Variants in ATP6V1E1 observed in about 807,000 individuals in gnomAD.
ATP6V1E1 encodes V-type proton ATPase subunit E 1.
ATP6V1E1 carries 21 observed loss-of-function variants against 35.2 expected under a neutral mutation model. The observed-to-expected ratio is 0.60, with a 90% confidence interval of 0.42 to 0.86. The LOEUF is 0.86. ATP6V1E1 is among the 40% of genes least tolerant of loss of function. The pLI is 0.00. For missense variants in ATP6V1E1, 183 were observed against 272.6 expected, an observed-to-expected ratio of 0.67 and a Z score of 2.32; for synonymous variants, 83 against 87.8, an observed-to-expected ratio of 0.95 and a Z score of 0.30.
At chr22:17,597,967 G>GC (rs1555956650) in intron 7 of ATP6V1E1, 6 of 500,178 alleles carry the variant, frequency 1.2e-5, no homozygotes, top group Non-Finnish European at 1.8e-5. Context: ...GTGAGCCACC[G>GC]CACCTGGCCA....
chr22:17,616,176 T>C (rs28836782), intron 2 of ATP6V1E1, among the ~76,000 whole-genome samples: 19,395 of 149,928 alleles, frequency 0.13, 1,309 homozygotes, highest in Middle Eastern at 0.22. Context: ...TGAAACCCCA[T>C]CGCTATTAAA....
chr22:17,607,978 C>T (rs751241005), intron 4 of ATP6V1E1, among the ~76,000 whole-genome samples: 21 of 152,186 alleles, frequency 1.4e-4, no homozygotes, highest in Admixed American at 2.0e-4. Flanking sequence ...TGCCAGACTA[C>T]CTCTGTTTCC....
intron 1 of ATP6V1E1, among the ~76,000 whole-genome samples, chr22:17,620,731 T>C (rs1313872777): frequency 2.0e-5 from 3 of 152,056 alleles, no homozygotes; most frequent in African/African-American, 7.2e-5. Flanking sequence ...TCAGTCCTTA[T>C]ATCCAAGCAA....
intron 4 of ATP6V1E1, among the ~76,000 whole-genome samples, chr22:17,608,158 G>C (rs955305068): frequency 1.3e-5 from 2 of 152,128 alleles, no homozygotes; most frequent in African/African-American, 4.8e-5. Flanking sequence ...GCACGATACA[G>C]GACACATGGG....
intron 2 of ATP6V1E1, among the ~76,000 whole-genome samples, chr22:17,613,604 TACC>T (rs1286382166): frequency 6.7e-6 from 1 of 149,020 alleles, no homozygotes; most frequent in Non-Finnish European, 1.5e-5. Flanking sequence ...TGAAAAAAAT[TACC>T]ACACGTTCGA....
intron 2 of ATP6V1E1, among the ~76,000 whole-genome samples, chr22:17,614,917 C>T (rs931672142): frequency 2.0e-5 from 3 of 148,988 alleles, no homozygotes; most frequent in Non-Finnish European, 3.0e-5. Context: ...TGCAGTGAAC[C>T]GAGATCGCGC....
intron 8 of ATP6V1E1, 144 bp downstream of exon 8, chr22:17,594,385 A>C (rs1249982772): frequency 4.7e-6 from 3 of 638,386 alleles, no homozygotes; most frequent in Non-Finnish European, 7.5e-6. Context: ...ATGCTACTAC[A>C]TGCCCAATTC....
chr22:17,625,272 C>CT lies in ATP6V1E1; in HGVS notation c.33+3330dup, dbSNP rs894530979. The stretch of plus-strand genomic sequence containing the variant: ...GGAAATGGAAACATCCAACGAAAAA[C>CT]TTTTTTTTTTGAGACCGAGTTTCAC... On this transcript the variant is annotated intron_variant, in intron 1 of 8. Coordinates refer to ENST00000253413, the MANE Select transcript of ATP6V1E1 (RefSeq NM_001696.4). Among the ~76,000 whole-genome samples the CT allele has an allele frequency of 5.3e-4, 79 of 149,708 alleles. 2 individuals are homozygous for CT. Among genetic ancestry groups the CT allele is most frequent in the African/African-American group, 1.8e-3 (75 of 40,960 alleles).
rs1402455538 is a variant in ATP6V1E1 at position 17,617,021 on chromosome 22, C to T, written c.99+2440G>A. ...CGAGATCCCGCCACTGCACTCCAGC[C>T]TGGGCGACAGAGCGAGACTCCGTCT... On this transcript the variant is annotated intron_variant, in intron 2 of 8. Coordinates refer to ENST00000253413, the MANE Select transcript of ATP6V1E1 (RefSeq NM_001696.4). Among the ~76,000 whole-genome samples, 8 of 62,976 alleles carry T rather than the reference C, an allele frequency of 1.3e-4. No homozygotes were observed. The East Asian group carries it at 1.9e-3, about 15-fold the overall frequency. The allele number at this position is 62,976 out of a possible 152,430, so 41.3% of individuals were successfully genotyped here.
intron 7 of ATP6V1E1, among the ~76,000 whole-genome samples, chr22:17,597,114 C>A (rs573886672): frequency 6.6e-6 from 1 of 151,802 alleles, no homozygotes; most frequent in Non-Finnish European, 1.5e-5. Context: ...TGGTGGCAGG[C>A]GCCTGTAGTC....
At chr22:17,594,117 G>T (rs1305141391) in intron 8 of ATP6V1E1, among the ~76,000 whole-genome samples, 1 of 152,060 alleles carries the variant, frequency 6.6e-6, no homozygotes, top group Non-Finnish European at 1.5e-5. Flanking sequence ...CAGGAGAATC[G>T]CTTGAACCTG....
At position 17,594,631 on chromosome 22, in the gene ATP6V1E1, G is replaced by C; in HGVS notation, c.531-15C>G. 6.9e-7 allele frequency: 1 copy of C among 1,455,940 alleles called. No individual in the cohort carries two copies. Among genetic ancestry groups the C allele is most frequent in the Non-Finnish European group, 9.3e-7 (1 of 1,073,124 alleles). 90.2% of individuals were successfully genotyped at this position (1,455,940 alleles called of 1,614,324 possible). A position where few individuals can be genotyped will look rare whatever the true frequency, so the allele number is the denominator to read the frequency against. On this transcript the variant is annotated splice_polypyrimidine_tract_variant and intron_variant, in intron 7 of 8. Coordinates refer to ENST00000253413, the MANE Select transcript of ATP6V1E1 (RefSeq NM_001696.4). The stretch of plus-strand genomic sequence containing the variant: ...CTCCACCAGCTCTGCAAAAAAAAAA[G>C]CACAGGAAATAATCATTTTCAAAGA...
At chr22:17,627,508 C>A (rs1481776846) in intron 1 of ATP6V1E1, among the ~76,000 whole-genome samples, 2 of 151,868 alleles carry the variant, frequency 1.3e-5, no homozygotes. Flanking sequence ...GAGGGGACTT[C>A]CCCAAAATGA....
At chr22:17,619,693 C>G (rs1388081514) in intron 1 of ATP6V1E1, among the ~76,000 whole-genome samples, 167 bp from the exon 2 acceptor site, 1 of 152,122 alleles carries the variant, frequency 6.6e-6, no homozygotes, top group Non-Finnish European at 1.5e-5. Context: ...GGAGACTAGT[C>G]TGGACAACAC....
intron 1 of ATP6V1E1, among the ~76,000 whole-genome samples, chr22:17,627,237 C>G (rs2057915282): frequency 6.6e-6 from 1 of 151,862 alleles, no homozygotes; most frequent in Non-Finnish European, 1.5e-5. Flanking sequence ...ACGCCATTCT[C>G]CTGCCTCAGC....
intron 4 of ATP6V1E1, among the ~76,000 whole-genome samples, chr22:17,609,743 A>G (rs1004566537): frequency 1.3e-5 from 2 of 152,102 alleles, no homozygotes; most frequent in Admixed American, 6.6e-5. Context: ...TGCTGGGATT[A>G]CAGGTCTGAG....
At position 17,592,520 on chromosome 22, in the gene ATP6V1E1, G is replaced by T; in HGVS notation, c.*154C>A. On this transcript the variant is annotated 3_prime_UTR_variant, in exon 9 of 9. Transcript: ENST00000253413. ...GCTTTCCACCATTGTGAACAATTAG[G>T]CAAGGCATGAGTGACAGAGGGGCAT... 2 of 771,546 alleles carry T rather than the reference G, an allele frequency of 2.6e-6. No homozygotes were observed. The highest frequency in any genetic ancestry group is 2.2e-6 in the Non-Finnish European group (1 of 462,780). The allele number at this position is 771,546 out of a possible 1,614,324, so 47.8% of individuals were successfully genotyped here. A position where few individuals can be genotyped will look rare whatever the true frequency, so the allele number is the denominator to read the frequency against.
At chr22:17,612,990 G>T in intron 3 of ATP6V1E1, 112 bp from the exon 4 acceptor site, 2 of 1,074,542 alleles carry the variant, frequency 1.9e-6, no homozygotes, top group South Asian at 1.5e-5. Flanking sequence ...AAAGCACCAG[G>T]ATTACAAGCG....
chr22:17,606,912 C>T (rs1007422852), intron 4 of ATP6V1E1, among the ~76,000 whole-genome samples: 1 of 152,208 alleles, frequency 6.6e-6, no homozygotes, highest in Non-Finnish European at 1.5e-5. Context: ...TATTCTCCAA[C>T]ATAACTGCTT....
Sources: allele counts gnomAD v4.1 joint callset (sites outside exome capture counted in the v4.1 genomes callset), GRCh38; gene constraint gnomAD v4.1.1; transcripts MANE v1.5; gene names NCBI Gene and HGNC (gene_info 2026-07-23, HGNC 2026-07-21).